Variants in KCNH8 observed in about 807,000 individuals in gnomAD.
KCNH8 encodes the protein voltage-gated delayed rectifier potassium channel KCNH8.
KCNH8 carries 70 observed loss-of-function variants against 103.6 expected under a neutral mutation model. The ratio of observed to expected loss-of-function variants is 0.68; its 90% CI spans 0.56 to 0.82. The LOEUF (loss-of-function observed/expected upper bound fraction) is 0.82, where lower values mean the gene tolerates loss of function less well. Among genes scored for constraint, KCNH8 ranks in the 40% least tolerant of loss-of-function variants. The pLI is 0.00. For missense variants in KCNH8, 1,217 were observed against 1,329.9 expected, an observed-to-expected ratio of 0.92 and a Z score of 1.32; for synonymous variants, 498 against 489.4, an observed-to-expected ratio of 1.02 and a Z score of -0.23.
chr3:19,452,623 T>C (rs1281804124), intron 10 of KCNH8, among the ~76,000 whole-genome samples: 1 of 152,152 alleles, frequency 6.6e-6, no homozygotes, highest in African/African-American at 2.4e-5. Flanking sequence ...AACACCAATA[T>C]AAAACACAAT....
At chr3:19,339,161 GATT>G (rs1410815490) in intron 3 of KCNH8, among the ~76,000 whole-genome samples, 4 of 152,058 alleles carry the variant, frequency 2.6e-5, no homozygotes, top group African/African-American at 9.7e-5. Flanking sequence ...GACTAACACA[GATT>G]ATTCTTTGAC....
chr3:19,298,687 C>G (rs1278094449), intron 3 of KCNH8, among the ~76,000 whole-genome samples: 1 of 151,792 alleles, frequency 6.6e-6, no homozygotes, highest in East Asian at 1.9e-4. Context: ...CTTTGGGAGT[C>G]CGAGGCGGGC....
chr3:19,294,405 A>G lies in KCNH8; in HGVS notation c.442+13076A>G, dbSNP rs1465332721. The stretch of plus-strand genomic sequence containing the variant: ...TTCTGCCTGATTTTCTTTTGTTTGC[A>G]TAATGGAAAAAAACACATGCAAAAT... On this transcript the variant is annotated intron_variant, in intron 3 of 15. Transcript: ENST00000328405. Among the ~76,000 whole-genome samples the G allele has an allele frequency of 1.4e-4, 22 of 152,144 alleles. 1 individual carries two copies. Among genetic ancestry groups the G allele is most frequent in the Admixed American group, 1.4e-3 (21 of 15,272 alleles).
intron 1 of KCNH8, among the ~76,000 whole-genome samples, chr3:19,183,636 G>A (rs1310657125): frequency 6.6e-6 from 1 of 152,098 alleles, no homozygotes; most frequent in African/African-American, 2.4e-5. Flanking sequence ...AATTGTAAAA[G>A]CATTTAACAA....
At chr3:19,233,061 T>TCCCCC (rs1208431887) in intron 1 of KCNH8, among the ~76,000 whole-genome samples, 9 of 62,408 alleles carry the variant, frequency 1.4e-4, no homozygotes, top group East Asian at 5.6e-4. Flanking sequence ...TTGATATTCC[T>TCCCCC]CCCCCCCCCC....
chr3:19,322,146 A>T (rs1005462947), intron 3 of KCNH8, among the ~76,000 whole-genome samples: 1 of 152,110 alleles, frequency 6.6e-6, no homozygotes, highest in Admixed American at 6.6e-5. Flanking sequence ...CCATTCTGAC[A>T]TTCTGTATCT....
chr3:19,377,064 C>T (rs1387195487), intron 5 of KCNH8, among the ~76,000 whole-genome samples: 1 of 152,008 alleles, frequency 6.6e-6, no homozygotes, highest in Non-Finnish European at 1.5e-5. Context: ...GTCTAGAATA[C>T]AATGGGAATC....
intron 5 of KCNH8, among the ~76,000 whole-genome samples, chr3:19,380,355 G>A (rs1191475203): frequency 6.6e-6 from 1 of 152,114 alleles, no homozygotes; most frequent in Non-Finnish European, 1.5e-5. Context: ...TCCAACCCAT[G>A]AATCTTACTT....
At chr3:19,350,625 T>C (rs1427607417) in intron 5 of KCNH8, among the ~76,000 whole-genome samples, 6 of 152,042 alleles carry the variant, frequency 3.9e-5, no homozygotes, top group Non-Finnish European at 5.9e-5. Flanking sequence ...GGGTCTAGAG[T>C]GGACCTCCAG....
intron 5 of KCNH8, among the ~76,000 whole-genome samples, chr3:19,370,616 T>C (rs1184677065): frequency 6.6e-6 from 1 of 152,178 alleles, no homozygotes; most frequent in Non-Finnish European, 1.5e-5. Context: ...TTTTATTTTA[T>C]TTTTAATTAT....
At chr3:19,459,575 C>A (rs564989772) in intron 11 of KCNH8, among the ~76,000 whole-genome samples, 1 of 151,978 alleles carries the variant, frequency 6.6e-6, no homozygotes, top group East Asian at 1.9e-4. Context: ...GTTGATTGTT[C>A]CTTTTCTGTG....
rs997390757 is a variant in KCNH8 at position 19,351,841 on chromosome 3, T to G, written c.811+3876T>G. Among the ~76,000 whole-genome samples the G allele has an allele frequency of 3.9e-5, 6 of 152,162 alleles. No individual in the cohort carries two copies. In the Middle Eastern group the frequency reaches 0.01, roughly 259 times the overall value. ...AAACTGCGTCAACTAACAAGCAAAATAACCAGCTGACATCATAATGACAGG... is the reference window on the plus strand; with the variant it reads ...AAACTGCGTCAACTAACAAGCAAAAGAACCAGCTGACATCATAATGACAGG... On this transcript the variant is annotated intron_variant, in intron 5 of 15. Transcript: ENST00000328405.
intron 1 of KCNH8, among the ~76,000 whole-genome samples, chr3:19,160,587 GC>G (rs1198593812): frequency 6.6e-6 from 1 of 151,960 alleles, no homozygotes; most frequent in Admixed American, 6.6e-5. Flanking sequence ...ACAGTACCCG[GC>G]CCCTTAACAA....
chr3:19,236,248 C>T (rs531716746), intron 1 of KCNH8, among the ~76,000 whole-genome samples: 5 of 152,278 alleles, frequency 3.3e-5, no homozygotes, highest in South Asian at 2.1e-4. Flanking sequence ...TCATTTGAGT[C>T]TTTGAAGAAG....
At chr3:19,262,160 A>G (rs563979564) in intron 2 of KCNH8, among the ~76,000 whole-genome samples, 142 of 151,998 alleles carry the variant, frequency 9.3e-4, no homozygotes, top group Non-Finnish European at 1.8e-3. Context: ...TGAGATTTTA[A>G]TAGGAATTGC....
intron 1 of KCNH8, among the ~76,000 whole-genome samples, chr3:19,188,154 A>G (rs1326145679): frequency 6.6e-6 from 1 of 152,064 alleles, no homozygotes; most frequent in African/African-American, 2.4e-5. Context: ...TTATGACCAA[A>G]TATTGCTGCA....
At chr3:19,331,896 C>T (rs2065516100) in intron 3 of KCNH8, among the ~76,000 whole-genome samples, 1 of 152,238 alleles carries the variant, frequency 6.6e-6, no homozygotes, top group East Asian at 1.9e-4. Context: ...ATGAAAGTAA[C>T]TGTAAGTCAA....
In KCNH8 at chr3:19,501,196, C is replaced by T. The variant is rs941749694; in HGVS notation, c.2041-9167C>T. On this transcript the variant is annotated intron_variant, in intron 11 of 15. Coordinates refer to ENST00000328405, the MANE Select transcript of KCNH8 (RefSeq NM_144633.3). ...ATCTAGAAAAAATGGATAAATTCCT[C>T]GACACATACACTCTCCCAAGACTAA... Among the ~76,000 whole-genome samples the T allele has an allele frequency of 7.2e-5, 11 of 151,948 alleles. No individual in the cohort carries two copies. In the East Asian group the frequency reaches 1.2e-3, roughly 16 times the overall value.
intron 11 of KCNH8, among the ~76,000 whole-genome samples, chr3:19,503,769 G>C (rs2068636875): frequency 6.8e-6 from 1 of 147,248 alleles, no homozygotes; most frequent in East Asian, 2.0e-4. Flanking sequence ...CACACTCTGG[G>C]GACTATTGTG....
Sources: gnomAD v4.1 joint callset for allele counts (sites outside exome capture counted in the v4.1 genomes callset) on GRCh38, gnomAD v4.1.1 for gene constraint, MANE v1.5 for transcripts, NCBI Gene and HGNC (gene_info 2026-07-23, HGNC 2026-07-21) for gene names.